Variants in TANC2 observed in about 807,000 individuals in gnomAD.
TANC2 encodes tetratricopeptide repeat, ankyrin repeat and coiled-coil containing 2, also known as protein TANC2.
Under a neutral mutation model 210.5 loss-of-function variants are expected in TANC2, and 26 were observed. The ratio of observed to expected loss-of-function variants is 0.12; its 90% CI spans 0.09 to 0.17. TANC2 has a LOEUF of 0.17. TANC2 is among the 10% of genes least tolerant of loss of function. The probability of loss-of-function intolerance (pLI) is 1.00; values close to 1 mark genes in which losing one functional copy is unlikely to be tolerated. For synonymous variants in TANC2, 931 were observed against 967.1 expected, an observed-to-expected ratio of 0.96 and a Z score of 0.69; for missense variants, 2,129 against 2,608.9, an observed-to-expected ratio of 0.82 and a Z score of 4.01.
intron 7 of TANC2, among the ~76,000 whole-genome samples, chr17:63,203,204 A>G (rs1022470820): frequency 1.9e-4 from 29 of 152,206 alleles, no homozygotes; most frequent in Non-Finnish European, 4.4e-5. Context: ...TGTTGACACT[A>G]GCTAGCCCAG....
Position 63,412,166 on chromosome 17 carries a change from C to T in TANC2, c.3898+36C>T, listed in dbSNP as rs543241861. The T allele has an allele frequency of 3.1e-6, 5 of 1,613,544 alleles. No individual in the cohort carries two copies. The South Asian group carries it at 5.5e-5, about 18-fold the overall frequency. On this transcript the variant is annotated intron_variant, in intron 23 of 27. Transcript: ENST00000689528. This position sits in a 1 kb window ranked among gnomAD's most constrained non-coding sequence, Gnocchi z 4.2. ...GGAAGAGGATGTTGGCCATCTGTGCCCAGGGGCCAGACTGGTCCAGTGGTC... is the reference window on the plus strand; with the variant it reads ...GGAAGAGGATGTTGGCCATCTGTGCTCAGGGGCCAGACTGGTCCAGTGGTC...
chr17:62,982,777 T>C (rs780152891), intron 1 of TANC2, among the ~76,000 whole-genome samples: 1 of 152,246 alleles, frequency 6.6e-6, no homozygotes, highest in Non-Finnish European at 1.5e-5. Context: ...GCTGTAGATA[T>C]ATGGATTAAT....
chr17:63,363,908 C>A (rs766782406), intron 14 of TANC2, among the ~76,000 whole-genome samples: 10 of 152,294 alleles, frequency 6.6e-5, no homozygotes, highest in Non-Finnish European at 1.2e-4. Flanking sequence ...TTTTCAGAGT[C>A]TAGACATTCT....
At chr17:63,160,820 T>C (rs1287498148) in intron 5 of TANC2, among the ~76,000 whole-genome samples, 1 of 152,234 alleles carries the variant, frequency 6.6e-6, no homozygotes, top group African/African-American at 2.4e-5. Flanking sequence ...AGTATTGCTT[T>C]TGGCTTTTTT....
chr17:63,057,920 A>G (rs2035862087), intron 2 of TANC2, among the ~76,000 whole-genome samples: 1 of 152,066 alleles, frequency 6.6e-6, no homozygotes, highest in Non-Finnish European at 1.5e-5. Flanking sequence ...TTATGGTAGA[A>G]CAGTTTTGTA....
chr17:63,277,905 A>C, intron 9 of TANC2, among the ~76,000 whole-genome samples: 1 of 152,038 alleles, frequency 6.6e-6, no homozygotes, highest in Admixed American at 6.6e-5. Context: ...GGTACAGTGG[A>C]TCGTGCCTGT....
intron 2 of TANC2, among the ~76,000 whole-genome samples, chr17:63,011,249 T>A (rs1295846974): frequency 6.6e-6 from 1 of 151,902 alleles, no homozygotes; most frequent in Non-Finnish European, 1.5e-5. Flanking sequence ...GTGTTTTTTT[T>A]ACTACGTCAT....
intron 4 of TANC2, among the ~76,000 whole-genome samples, chr17:63,105,164 A>G (rs2037778294): frequency 6.6e-6 from 1 of 151,732 alleles, no homozygotes; most frequent in Admixed American, 6.6e-5. Context: ...AGTAATCTTC[A>G]AATACCAACA....
intron 14 of TANC2, among the ~76,000 whole-genome samples, chr17:63,356,981 T>C (rs2046800763): frequency 6.6e-6 from 1 of 152,226 alleles, no homozygotes; most frequent in Non-Finnish European, 1.5e-5. Flanking sequence ...AGCCATCTTC[T>C]GCTGTTATCA....
At chr17:63,001,525 CTTTTCTTTTTTTT>C (rs2033381487) in intron 1 of TANC2, among the ~76,000 whole-genome samples, 1 of 135,076 alleles carries the variant, frequency 7.4e-6, no homozygotes, top group African/African-American at 2.8e-5. Flanking sequence ...TTTTTCTTTT[CTTTTCTTTTTTTT>C]TTTTCTTTTT....
intron 1 of TANC2, among the ~76,000 whole-genome samples, chr17:63,008,386 A>G (rs759312169): frequency 2.6e-4 from 40 of 151,814 alleles, no homozygotes; most frequent in Non-Finnish European, 4.3e-4. Context: ...TTATCTCTCT[A>G]TGCTTTGGTT....
chr17:63,074,166 A>G (rs1450496755), intron 3 of TANC2, among the ~76,000 whole-genome samples, 152 bp downstream of exon 3: 2 of 152,158 alleles, frequency 1.3e-5, no homozygotes, highest in African/African-American at 2.4e-5. Flanking sequence ...GTAAAAATCT[A>G]TATATTATTT....
At chr17:63,103,964 G>C (rs902487403) in intron 4 of TANC2, among the ~76,000 whole-genome samples, 2 of 152,094 alleles carry the variant, frequency 1.3e-5, no homozygotes, top group African/African-American at 4.8e-5. Flanking sequence ...CAGCTAGGCA[G>C]CGGTCAGAGT....
intron 2 of TANC2, among the ~76,000 whole-genome samples, chr17:63,046,325 CTTTT>C (rs57550590): frequency 2.5e-4 from 11 of 44,142 alleles, no homozygotes; most frequent in African/African-American, 1.2e-3. Context: ...ACACCCAGCT[CTTTT>C]TTTTTTTTTT....
intron 1 of TANC2, among the ~76,000 whole-genome samples, chr17:62,983,647 C>G (rs1409125324): frequency 6.6e-6 from 1 of 151,888 alleles, no homozygotes; most frequent in African/African-American, 2.4e-5. Flanking sequence ...CCTTTTATAC[C>G]TTATTTATTG....
chr17:63,076,757 TA>T (rs1178081200), intron 3 of TANC2, among the ~76,000 whole-genome samples: 1 of 152,050 alleles, frequency 6.6e-6, no homozygotes, highest in African/African-American at 2.4e-5. Context: ...ATTATGACTT[TA>T]AAAAAGGCTC....
chr17:63,238,369 T>G (rs1467075416), intron 8 of TANC2, among the ~76,000 whole-genome samples: 1 of 152,224 alleles, frequency 6.6e-6, no homozygotes, highest in East Asian at 1.9e-4. Flanking sequence ...AAAAGTCTTT[T>G]CTCTCAATGA....
chr17:63,386,346 C>A (rs1424652902), intron 15 of TANC2, among the ~76,000 whole-genome samples: 3 of 152,024 alleles, frequency 2.0e-5, no homozygotes, highest in African/African-American at 7.3e-5. Flanking sequence ...TTATAGAATC[C>A]TTCTTAGTTT....
At chr17:63,362,759 T>C (rs1382053627) in intron 14 of TANC2, among the ~76,000 whole-genome samples, 4 of 152,290 alleles carry the variant, frequency 2.6e-5, no homozygotes, top group Admixed American at 6.5e-5. Flanking sequence ...AGAGGCCAAG[T>C]AGAGCTGGCA....
Sources: gnomAD v4.1 joint callset for allele counts (sites outside exome capture counted in the v4.1 genomes callset) on GRCh38, gnomAD v4.1.1 for gene constraint, Gnocchi (gnomAD v3.1) non-coding constraint, MANE v1.5 for transcripts, NCBI Gene and HGNC (gene_info 2026-07-23, HGNC 2026-07-21) for gene names.